Variants in ZNF469 observed in about 807,000 individuals in gnomAD.
ZNF469 encodes the protein zinc finger protein 469.
Under a neutral mutation model 1.0 loss-of-function variants are expected in ZNF469, and 1 was observed. That is an observed-to-expected ratio of 1.00 (90% CI 0.35 to 4.73). The LOEUF is 4.73. ZNF469 is among the 30% of genes most tolerant of loss of function. The pLI is 0.16. For synonymous variants in ZNF469, 2,703 were observed against 2,363.4 expected (o/e 1.14, Z -4.17); for missense variants, 6,100 against 5,356.3 (o/e 1.14, Z -4.33).
At chr16:88,153,731 T>C in the ZNF469 span, among the ~76,000 whole-genome samples, 33,564 of 152,070 alleles carry the variant, frequency 0.22, 4,277 homozygotes, top group East Asian at 0.52. Context: ...TCAAGGGCCC[T>C]ACAGAGTTGG....
At chr16:88,359,201 G>A in the ZNF469 span, among the ~76,000 whole-genome samples, 1,340 of 151,736 alleles carry the variant, frequency 8.8e-3, 23 homozygotes, top group African/African-American at 0.03. Flanking sequence ...GAGTCCCGGG[G>A]GCTCGGTACC....
chr16:88,373,404 T>C, the ZNF469 span, among the ~76,000 whole-genome samples: 1 of 152,142 alleles, frequency 6.6e-6, no homozygotes, highest in Admixed American at 6.5e-5. Context: ...GGTGTTGAGC[T>C]GTCAACAGGA....
chr16:88,351,589 C>G, the ZNF469 span, among the ~76,000 whole-genome samples: 2 of 152,164 alleles, frequency 1.3e-5, no homozygotes, highest in African/African-American at 2.4e-5. Context: ...CGCGAAAGGA[C>G]AAAGGGGCCG....
At chr16:88,413,317 C>T (rs1038734468) in intron 1 of ZNF469, among the ~76,000 whole-genome samples, 4 of 152,166 alleles carry the variant, frequency 2.6e-5, no homozygotes, top group Non-Finnish European at 5.9e-5. Flanking sequence ...CTGTCTCTCC[C>T]CTCAGCCTCT....
In ZNF469 at chr16:88,434,410, C is replaced by T. The variant is rs1169450960; in HGVS notation, c.6940C>T (p.Pro2314Ser). ...PGPDPQSRGAPPHTNPDRMPR... is the reference protein window; with the variant it reads ...PGPDPQSRGASPHTNPDRMPR... ...GCCAGACCCCCAGAGCAGGGGAGCC[C>T]CGCCCCACACCAACCCTGACAGGAT... Residue 2314 changes from proline to serine, a missense_variant, in exon 3 of 3, where the codon CCG becomes TCG. By Grantham distance (74) the Pro-to-Ser change is moderately conservative. Transcript: ENST00000565624. The T allele has an allele frequency of 6.5e-7, 1 of 1,549,740 alleles. No homozygotes were observed. The highest frequency in any genetic ancestry group is 1.2e-5 in the South Asian group (1 of 84,054).
At chr16:88,218,157 C>A in the ZNF469 span, among the ~76,000 whole-genome samples, 2 of 146,390 alleles carry the variant, frequency 1.4e-5, no homozygotes, top group Non-Finnish European at 3.0e-5. Flanking sequence ...GATGGTATCT[C>A]ATTGTGGTTT....
At chr16:88,105,075 G>T in the ZNF469 span, among the ~76,000 whole-genome samples, 4 of 152,112 alleles carry the variant, frequency 2.6e-5, no homozygotes, top group South Asian at 6.2e-4. Flanking sequence ...TAAAAAATTA[G>T]CCAGGGGTGG....
At chr16:88,301,940 C>T in the ZNF469 span, among the ~76,000 whole-genome samples, 1 of 152,202 alleles carries the variant, frequency 6.6e-6, no homozygotes, top group East Asian at 1.9e-4. Flanking sequence ...ACTGCAGGCC[C>T]TCCTCCCCCA....
Position 88,386,475 on chromosome 16 carries a change from G to A in ZNF469, c.-192+3221G>A, listed in dbSNP as rs1019971706. Among the ~76,000 whole-genome samples, 6 of 151,480 alleles carry A rather than the reference G, an allele frequency of 4.0e-5. No individual in the cohort carries two copies. In the East Asian group the frequency reaches 7.7e-4, roughly 20 times the overall value. ...CCCCTCCTCTCCCTGCTGCCCTCAC[G>A]CATCCTGCATCCCACCTCCCATCAC... On this transcript the variant is annotated intron_variant, in intron 1 of 2. Coordinates refer to ENST00000565624, the MANE Select transcript of ZNF469 (RefSeq NM_001367624.2).
the ZNF469 span, among the ~76,000 whole-genome samples, chr16:88,356,288 C>T: frequency 1.1e-4 from 17 of 152,154 alleles, no homozygotes; most frequent in Non-Finnish European, 2.4e-4. Context: ...ATGATCGAAT[C>T]TCAGTCCTGC....
chr16:88,417,973 C>CAGGG (rs1905349562), intron 1 of ZNF469, among the ~76,000 whole-genome samples: 2 of 152,222 alleles, frequency 1.3e-5, no homozygotes, highest in South Asian at 4.1e-4. Context: ...CACGTGTGTG[C>CAGGG]TCACAGGGAA....
chr16:88,319,027 C>T, the ZNF469 span, among the ~76,000 whole-genome samples: 6 of 152,204 alleles, frequency 3.9e-5, no homozygotes, highest in Admixed American at 3.9e-4. Context: ...CCTAGCAGGT[C>T]ATTTTGTATT....
rs867530230 is a variant in ZNF469, at chr16:88,437,146, C to A, written c.9676C>A (p.His3226Asn). Residue 3226 changes from histidine to asparagine, a missense_variant, in exon 3 of 3, where the codon CAC (histidine) becomes AAC (asparagine). Physicochemically the swap from His to Asn is moderately conservative, Grantham distance 68. Coordinates refer to ENST00000565624, the MANE Select transcript of ZNF469 (RefSeq NM_001367624.2). ...CCTGGAGGGCAGCAGCGCTGTCGCC[C>A]ACCTTCTGAACAGCATCACGGAACC... The part of the protein sequence containing the change: ...GGLEGSSAVA[H>N]LLNSITEPAP... 217 of 1,549,144 alleles carry A rather than the reference C, an allele frequency of 1.4e-4. 1 individual carries two copies. In the African/African-American group the frequency reaches 2.7e-3, roughly 19 times the overall value.
At chr16:88,211,525 A>T in the ZNF469 span, among the ~76,000 whole-genome samples, 1 of 151,704 alleles carries the variant, frequency 6.6e-6, no homozygotes, top group Admixed American at 6.6e-5. Flanking sequence ...GACACATGGT[A>T]TAGACCCTGG....
the ZNF469 span, among the ~76,000 whole-genome samples, chr16:88,131,608 G>A: frequency 6.6e-6 from 1 of 152,232 alleles, no homozygotes; most frequent in African/African-American, 2.4e-5. Flanking sequence ...AAACAATACC[G>A]AATGCCCCTT....
At position 88,429,240 on chromosome 16, in the gene ZNF469, G is replaced by C; in HGVS notation, c.1770G>C (p.Glu590Asp). 1 of 1,549,728 alleles carries C rather than the reference G, an allele frequency of 6.5e-7. No individual in the cohort carries two copies. The change falls in exon 3 of 3, where the codon GAG becomes GAC. Residue 590 changes from glutamate (E) to aspartate (D), a missense_variant. Glu to Asp is a conservative substitution (Grantham distance 45). Coordinates refer to ENST00000565624, the MANE Select transcript of ZNF469 (RefSeq NM_001367624.2). ...PPRVVGASPSESPLPSPATNT... is the reference protein window; with the variant it reads ...PPRVVGASPSDSPLPSPATNT... ...GGGTAGTGGGAGCCTCCCCCAGCGA[G>C]TCCCCACTGCCGTCACCGGCCACCA... is the stretch of plus-strand genomic sequence containing the variant.
the ZNF469 span, among the ~76,000 whole-genome samples, chr16:88,130,107 C>T: frequency 0.64 from 97,517 of 152,092 alleles, 34,409 homozygotes; most frequent in Non-Finnish European, 0.79. Flanking sequence ...GAGTTGGGCT[C>T]AAGGACCATT....
chr16:88,279,214 ACCTT>A, the ZNF469 span, among the ~76,000 whole-genome samples: 5 of 135,558 alleles, frequency 3.7e-5, no homozygotes, highest in African/African-American at 1.3e-4. Context: ...CTCGGTCAGT[ACCTT>A]GTAGATATCA....
the ZNF469 span, among the ~76,000 whole-genome samples, chr16:88,130,444 G>A: frequency 2.6e-5 from 4 of 152,284 alleles, no homozygotes; most frequent in East Asian, 7.7e-4. Flanking sequence ...GACTTCACCG[G>A]CACCAGGTTA....
Sources: allele counts gnomAD v4.1 joint callset (sites outside exome capture counted in the v4.1 genomes callset), GRCh38; gene constraint gnomAD v4.1.1; transcripts MANE v1.5; gene names NCBI Gene and HGNC (gene_info 2026-07-23, HGNC 2026-07-21).